CTNNA3: variants seen among roughly 807,000 people sequenced by gnomAD.
CTNNA3 encodes the protein catenin alpha-3.
A neutral mutation model predicts 95.7 loss-of-function variants in CTNNA3; 76 were observed. The observed-to-expected ratio is 0.79, with a 90% CI of 0.66 to 0.96. The LOEUF (loss-of-function observed/expected upper bound fraction) is 0.96, where lower values mean the gene tolerates loss of function less well. CTNNA3 is among the 40% of genes least tolerant of loss of function. The pLI, the probability that CTNNA3 is intolerant of heterozygous loss-of-function variation, is 0.00. For missense variants in CTNNA3, 1,191 were observed against 1,089.8 expected (o/e 1.09, Z -1.31); for synonymous variants, 431 against 374.4 (o/e 1.15, Z -1.74).
At chr10:66,743,986 A>AAAAAAG (rs1849417371) in intron 9 of CTNNA3, among the ~76,000 whole-genome samples, 1 of 149,410 alleles carries the variant, frequency 6.7e-6, no homozygotes, top group African/African-American at 2.5e-5. Context: ...AAAAAAAAAA[A>AAAAAAG]AAAAAAAAAA....
At chr10:67,563,079 G>T (rs903187562) in intron 3 of CTNNA3, among the ~76,000 whole-genome samples, 8 of 151,822 alleles carry the variant, frequency 5.3e-5, no homozygotes, top group East Asian at 1.9e-4. Context: ...GTAATTTATA[G>T]ATTCAATGCC....
intron 2 of CTNNA3, among the ~76,000 whole-genome samples, chr10:67,615,881 C>T (rs1229953249): frequency 6.6e-6 from 1 of 152,120 alleles, no homozygotes; most frequent in Non-Finnish European, 1.5e-5. Context: ...CCAGGCTGGT[C>T]TCAAACTCCT....
At chr10:66,445,989 G>A (rs1258503767) in intron 11 of CTNNA3, among the ~76,000 whole-genome samples, 6 of 152,030 alleles carry the variant, frequency 3.9e-5, no homozygotes, top group South Asian at 4.2e-4. Context: ...TGATAAAGGG[G>A]ATATCACTAC....
intron 5 of CTNNA3, among the ~76,000 whole-genome samples, chr10:67,394,776 G>A (rs1564622401): frequency 6.6e-6 from 1 of 152,052 alleles, no homozygotes; most frequent in African/African-American, 2.4e-5. Context: ...CTGGGCCAAT[G>A]TATTTGTGGC....
At chr10:66,292,840 A>G (rs1256103107) in intron 12 of CTNNA3, among the ~76,000 whole-genome samples, 2 of 152,132 alleles carry the variant, frequency 1.3e-5, no homozygotes, top group Non-Finnish European at 2.9e-5. Context: ...GTTATTTTTA[A>G]TTCTAATAAT....
At chr10:67,148,920 C>T (rs1860963036) in intron 7 of CTNNA3, among the ~76,000 whole-genome samples, 1 of 152,102 alleles carries the variant, frequency 6.6e-6, no homozygotes, top group Admixed American at 6.6e-5. Flanking sequence ...CTCCTCTTAT[C>T]TTCAGCATAT....
chr10:67,442,520 G>A (rs970483437), intron 5 of CTNNA3, among the ~76,000 whole-genome samples: 5 of 151,914 alleles, frequency 3.3e-5, no homozygotes, highest in African/African-American at 9.7e-5. Flanking sequence ...AATGATAAAA[G>A]ATACTCTATC....
chr10:66,654,657 A>G (rs1369206145), intron 9 of CTNNA3, among the ~76,000 whole-genome samples: 2 of 152,106 alleles, frequency 1.3e-5, no homozygotes, highest in Non-Finnish European at 2.9e-5. Context: ...CTGCATTCCC[A>G]TGTTCCTCAC....
chr10:66,663,280 C>A (rs1275864949), intron 9 of CTNNA3, among the ~76,000 whole-genome samples: 1 of 151,958 alleles, frequency 6.6e-6, no homozygotes, highest in Non-Finnish European at 1.5e-5. Context: ...GGCCCCTCCC[C>A]AGTCATGACC....
chr10:67,726,987 T>C (rs1277538956), intron 1 of CTNNA3, among the ~76,000 whole-genome samples: 1 of 114,934 alleles, frequency 8.7e-6, no homozygotes, highest in Non-Finnish European at 1.6e-5. Context: ...ACGATACATA[T>C]ATAATTATAT....
intron 16 of CTNNA3, among the ~76,000 whole-genome samples, chr10:65,988,259 G>C (rs940729750): frequency 1.3e-5 from 2 of 151,982 alleles, no homozygotes; most frequent in Non-Finnish European, 2.9e-5. Context: ...AATACACAGT[G>C]TATACATGTA....
chr10:66,004,706 T>A (rs2078843577), intron 15 of CTNNA3, among the ~76,000 whole-genome samples: 1 of 152,206 alleles, frequency 6.6e-6, no homozygotes, highest in Admixed American at 6.5e-5. Context: ...TCTTCTCTGC[T>A]CTTTCTTCCA....
intron 11 of CTNNA3, among the ~76,000 whole-genome samples, chr10:66,448,876 AC>A (rs1361905392): frequency 6.6e-6 from 1 of 152,026 alleles, no homozygotes; most frequent in African/African-American, 2.4e-5. Flanking sequence ...AACTTTAATG[AC>A]CTTTTGATCT....
chr10:66,012,502 T>A (rs1354657363), intron 15 of CTNNA3, among the ~76,000 whole-genome samples: 1 of 152,144 alleles, frequency 6.6e-6, no homozygotes, highest in Non-Finnish European at 1.5e-5. Flanking sequence ...ATAAGTACCA[T>A]AAACCATACA....
chr10:67,297,794 A>C (rs557030834), intron 5 of CTNNA3, among the ~76,000 whole-genome samples: 2 of 152,328 alleles, frequency 1.3e-5, no homozygotes, highest in East Asian at 3.9e-4. Flanking sequence ...CACCTTGTTC[A>C]TTATGGACAG....
chr10:67,188,528 C>G (rs542957826), intron 6 of CTNNA3, among the ~76,000 whole-genome samples: 1 of 152,118 alleles, frequency 6.6e-6, no homozygotes, highest in South Asian at 2.1e-4. Context: ...AAAGGGGAAT[C>G]CTTGTATGCT....
intron 7 of CTNNA3, among the ~76,000 whole-genome samples, chr10:66,778,901 A>C (rs1840417699): frequency 6.6e-6 from 1 of 152,088 alleles, no homozygotes; most frequent in Non-Finnish European, 1.5e-5. Flanking sequence ...GCTTGAACCC[A>C]GGAGGCGGAA....
intron 10 of CTNNA3, among the ~76,000 whole-genome samples, chr10:66,620,753 A>G (rs1213709724): frequency 6.6e-6 from 1 of 152,194 alleles, no homozygotes; most frequent in Admixed American, 6.5e-5. Flanking sequence ...AGTCCAAAGA[A>G]GCAGTTTCCT....
intron 3 of CTNNA3, among the ~76,000 whole-genome samples, chr10:67,585,407 A>G (rs1239122521): frequency 1.3e-5 from 2 of 152,164 alleles, no homozygotes; most frequent in African/African-American, 4.8e-5. Flanking sequence ...TTTCAGGAGG[A>G]TTAGAATTAG....
Sources: allele counts gnomAD v4.1 joint callset (sites outside exome capture counted in the v4.1 genomes callset), GRCh38; gene constraint gnomAD v4.1.1; transcripts MANE v1.5; gene names NCBI Gene and HGNC (gene_info 2026-07-23, HGNC 2026-07-21).